The following MAST1 variants were observed in gnomAD, a reference collection of about 807,000 sequenced individuals.
The protein encoded by MAST1 is microtubule associated serine/threonine kinase 1, also known as microtubule-associated serine/threonine-protein kinase 1.
MAST1 carries 40 observed loss-of-function variants against 124.6 expected under a neutral mutation model. The ratio of observed to expected loss-of-function variants is 0.32; its 90% CI spans 0.25 to 0.42. The LOEUF is 0.42. MAST1 is among the 10% of genes least tolerant of loss of function. MAST1 has a pLI of 1.00. For synonymous variants in MAST1, 938 were observed against 939.4 expected (o/e 1.00, Z 0.03); for missense variants, 1,558 against 2,181.9 (o/e 0.71, Z 5.70).
chr19:12,862,745 G>A (rs889889909), intron 12 of MAST1, among the ~76,000 whole-genome samples: 2 of 148,032 alleles, frequency 1.4e-5, no homozygotes, highest in African/African-American at 2.5e-5. Context: ...TTGGCTCACC[G>A]CAACCTCCTC....
chr19:12,842,732 T>C (rs1969847278), intron 3 of MAST1, among the ~76,000 whole-genome samples: 1 of 152,172 alleles, frequency 6.6e-6, no homozygotes, highest in Non-Finnish European at 1.5e-5. Context: ...TGTGTGCAAG[T>C]TTCAATGTGT....
At chr19:12,840,951 C>G (rs375471075) in intron 2 of MAST1, 40 bp from the exon 3 acceptor site, 2 of 811,910 alleles carry the variant, frequency 2.5e-6, no homozygotes, top group Non-Finnish European at 4.5e-6. Context: ...CTTTAGGGAA[C>G]GAGAGACCTG....
chr19:12,871,225 G>A (rs968168070), intron 24 of MAST1, 53 bp downstream of exon 24: 12 of 1,609,768 alleles, frequency 7.5e-6, no homozygotes, highest in African/African-American at 1.3e-5. Context: ...GAACTTAGGC[G>A]GGAGGGGCAC....
chr19:12,840,699 A>C (rs940989316), intron 2 of MAST1, among the ~76,000 whole-genome samples, 165 bp downstream of exon 2: 7 of 151,764 alleles, frequency 4.6e-5, no homozygotes, highest in Non-Finnish European at 1.5e-5. Flanking sequence ...TCAGTCGCAG[A>C]GGGACGGTCA....
chr19:12,861,931 C>T (rs954003058), intron 12 of MAST1, among the ~76,000 whole-genome samples: 6 of 150,480 alleles, frequency 4.0e-5, no homozygotes, highest in African/African-American at 1.5e-4. Context: ...TCAAACTCCA[C>T]ACCTCATGAT....
chr19:12,862,550 C>G (rs1970097069), intron 12 of MAST1, among the ~76,000 whole-genome samples: 1 of 152,080 alleles, frequency 6.6e-6, no homozygotes, highest in African/African-American at 2.4e-5. Context: ...GACTGTAATC[C>G]CAGCACTTAC....
rs1460522695 is a variant in MAST1 at position 12,866,323 on chromosome 19, G to A, written c.2029+221G>A. Reference sequence around the variant, plus strand: ...GTAAGAACCTGAGATTGGGCTAGGTGTGGGGCCTGGCCTGGGTGAGTTGTG... The same window carrying A: ...GTAAGAACCTGAGATTGGGCTAGGTATGGGGCCTGGCCTGGGTGAGTTGTG... On this transcript the variant is annotated intron_variant, in intron 17 of 25. Transcript: ENST00000251472. This position sits in a 1 kb window ranked among gnomAD's most constrained non-coding sequence, Gnocchi z 5.2. Among the ~76,000 whole-genome samples, 2 of 152,170 alleles carry A rather than the reference G, an allele frequency of 1.3e-5. No homozygotes were observed. Among genetic ancestry groups the A allele is most frequent in the African/African-American group, 2.4e-5 (1 of 41,440 alleles).
chr19:12,851,881 C>G, intron 7 of MAST1, 53 bp from the exon 8 acceptor site: 1 of 1,401,674 alleles, frequency 7.1e-7, no homozygotes, highest in Non-Finnish European at 9.9e-7. Flanking sequence ...AGAGAGGGGC[C>G]GGGCTGAGGC....
In MAST1 at chr19:12,867,944, GA is replaced by G; in HGVS notation, c.2535del (p.Gly846AlafsTer53). 2 of 1,578,770 alleles carry G rather than the reference GA, an allele frequency of 1.3e-6. No homozygotes were observed. The highest frequency in any genetic ancestry group is 1.9e-5 in the Admixed American group (1 of 51,682). On this transcript the variant is annotated frameshift_variant, in exon 20 of 26. Transcript: ENST00000251472. LOFTEE classifies it high-confidence loss of function. Reference protein sequence around the residue: ...ARAPKEETQGEGTSSAGDSEA... With the variant: ...ARAPKEETQGXGTSSAGDSEA... Reference sequence around the variant, plus strand: ...GGCCCCCAAAGAGGAGACTCAAGGGGAAGGCACCTCCAGCGCCGGGGACTCC... The same window carrying G: ...GGCCCCCAAAGAGGAGACTCAAGGGGAGGCACCTCCAGCGCCGGGGACTCC...
chr19:12,874,671 CG>C lies in MAST1; in HGVS notation c.4516del (p.Glu1506SerfsTer7). On this transcript the variant is annotated frameshift_variant, in exon 26 of 26. Transcript: ENST00000251472. LOFTEE classifies it low-confidence loss of function (END_TRUNC). This position sits in a 1 kb window ranked among gnomAD's most constrained non-coding sequence, Gnocchi z 6.6. ...AAGCCCGCCTCCCCAAAGCTCTCCC[CG>C]GAGCCCCAGACACCCTCCCTAGCCC... Reference protein sequence around the residue: ...RSKPASPKLSPEPQTPSLAPA... With the variant: ...RSKPASPKLSXEPQTPSLAPA... The C allele has an allele frequency of 6.5e-7, 1 of 1,542,514 alleles. No homozygotes were observed. Among genetic ancestry groups the C allele is most frequent in the Non-Finnish European group, 8.8e-7 (1 of 1,140,464 alleles).
rs1970138002 is a variant in MAST1, at chr19:12,865,245, C to CA, written c.1638+67_1638+68insA. ...CTGCAGGACCTCGGGAACCCAGGGC[C>CA]TGGTGGGGGGCACAGCTCTCCCTTG... On this transcript the variant is annotated intron_variant, in intron 14 of 25. Transcript: ENST00000251472. This position sits in a 1 kb window ranked among gnomAD's most constrained non-coding sequence, Gnocchi z 7.1. 1.1e-5 allele frequency: 18 copies of CA among 1,588,924 alleles called. 1 individual carries two copies. The East Asian group carries it at 4.0e-4, about 36-fold the overall frequency.
chr19:12,839,266 G>A (rs1006522044), intron 1 of MAST1, among the ~76,000 whole-genome samples: 2 of 151,742 alleles, frequency 1.3e-5, no homozygotes, highest in African/African-American at 4.9e-5. Context: ...TACACTGGGA[G>A]GTGCCACACA....
Position 12,866,054 on chromosome 19 carries a change from G to C in MAST1, c.1981G>C (p.Glu661Gln). Residue 661 changes from glutamate (E) to glutamine (Q), a missense_variant, in exon 17 of 26, where the codon GAG (glutamate) becomes CAG (glutamine). Around this residue, in one of 10 missense-constraint regions of MAST1, gnomAD observed 145 missense variants for 350.0 expected, o/e 0.41. Coordinates refer to ENST00000251472, the MANE Select transcript of MAST1 (RefSeq NM_014975.3). This position sits in a 1 kb window ranked among gnomAD's most constrained non-coding sequence, Gnocchi z 5.2. ...GACAGGGCTGCTGAGGCAGAAGGCC[G>C]AGTTCATCCCCCACCTAGAGTCGGA... ...DWTGLLRQKA[E>Q]FIPHLESEDD... 2 of 1,614,144 alleles carry C rather than the reference G, an allele frequency of 1.2e-6. No individual in the cohort carries two copies. Among genetic ancestry groups the C allele is most frequent in the Non-Finnish European group, 1.7e-6 (2 of 1,180,042 alleles).
At chr19:12,855,031 G>T (rs1970003060) in intron 10 of MAST1, among the ~76,000 whole-genome samples, 1 of 152,020 alleles carries the variant, frequency 6.6e-6, no homozygotes, top group Non-Finnish European at 1.5e-5. Context: ...AGGAAGTCGA[G>T]ACCAGCCTGG....
intron 12 of MAST1, 72 bp from the exon 13 acceptor site, chr19:12,864,737 G>A (rs1233371179): frequency 5.5e-5 from 87 of 1,582,294 alleles, no homozygotes; most frequent in Non-Finnish European, 7.2e-5. Flanking sequence ...AACATGAGAA[G>A]TTGGTGCTAT....
In MAST1 at chr19:12,874,841, G is replaced by C. The variant is rs765707937; in HGVS notation, c.4684G>C (p.Val1562Leu). The C allele has an allele frequency of 6.3e-7, 1 of 1,598,822 alleles. No individual in the cohort carries two copies. Among genetic ancestry groups the C allele is most frequent in the Non-Finnish European group, 8.5e-7 (1 of 1,171,446 alleles). Reference sequence around the variant, plus strand: ...CCCAGCAGGCCTGACCAAAAAAGGAGTGTCCAGTCCCGCACCCCCGGGACC... The same window carrying C: ...CCCAGCAGGCCTGACCAAAAAAGGACTGTCCAGTCCCGCACCCCCGGGACC... ...VPPAGLTKKG[V>L]SSPAPPGP The change falls in exon 26 of 26, where the codon GTG becomes CTG. Residue 1562 changes from valine (V) to leucine (L), a missense_variant. By Grantham distance (32) the Val-to-Leu change is conservative. Around this residue, in one of 10 missense-constraint regions of MAST1, gnomAD observed 168 missense variants for 154.3 expected, o/e 1.09. Coordinates refer to ENST00000251472, the MANE Select transcript of MAST1 (RefSeq NM_014975.3). The surrounding 1 kb of genome is among the most constrained non-coding windows in gnomAD (Gnocchi z 6.6).
In MAST1 at chr19:12,840,998, T is replaced by TC; in HGVS notation, c.184dup (p.Leu62ProfsTer176). ...CCCCTCTTTCTCTCATAGGCAGCAG[T>TC]CCCCTGGACAGCCCCCGAAACTTCT... On this transcript the variant is annotated frameshift_variant, in exon 3 of 26. Coordinates refer to ENST00000251472, the MANE Select transcript of MAST1 (RefSeq NM_014975.3). LOFTEE classifies it high-confidence loss of function. 1 of 1,304,960 alleles carries TC rather than the reference T, an allele frequency of 7.7e-7. No homozygotes were observed. Among genetic ancestry groups the TC allele is most frequent in the Non-Finnish European group, 1.1e-6 (1 of 897,180 alleles). 80.8% of individuals were successfully genotyped at this position (1,304,960 alleles called of 1,614,324 possible).
chr19:12,867,054 A>G (rs1217063548), intron 18 of MAST1, among the ~76,000 whole-genome samples: 1 of 152,172 alleles, frequency 6.6e-6, no homozygotes, highest in Non-Finnish European at 1.5e-5. Flanking sequence ...GAATGAGGCC[A>G]GCAGCGAAGG....
intron 4 of MAST1, among the ~76,000 whole-genome samples, chr19:12,844,594 A>G (rs141354528): frequency 1.3e-5 from 2 of 152,330 alleles, no homozygotes; most frequent in South Asian, 2.1e-4. Context: ...AACCAAGACA[A>G]CAGACCAGCA....
Sources: gnomAD v4.1 joint callset for allele counts (sites outside exome capture counted in the v4.1 genomes callset) on GRCh38, gnomAD v4.1.1 for gene constraint, gnomAD v4.1.1 regional missense constraint, Gnocchi (gnomAD v3.1) non-coding constraint, MANE v1.5 for transcripts, NCBI Gene and HGNC (gene_info 2026-07-23, HGNC 2026-07-21) for gene names.